Variants in RIMS2 observed in about 807,000 individuals in gnomAD.
RIMS2 encodes regulating synaptic membrane exocytosis protein 2.
A neutral mutation model predicts 174.4 loss-of-function variants in RIMS2; 59 were observed. That is an observed-to-expected ratio of 0.34 (90% confidence interval 0.27 to 0.42). The LOEUF (loss-of-function observed/expected upper bound fraction) is 0.42. Among genes scored for constraint, RIMS2 ranks in the 10% least tolerant of loss-of-function variants. RIMS2 has a pLI of 1.00. For synonymous variants in RIMS2, 606 were observed against 572.5 expected (o/e 1.06, Z -0.84); for missense variants, 1,620 against 1,666.3 (o/e 0.97, Z 0.48).
chr8:104,233,083 CG>C (rs1209364233), intron 19 of RIMS2, among the ~76,000 whole-genome samples: 6 of 151,894 alleles, frequency 4.0e-5, no homozygotes, highest in Non-Finnish European at 7.4e-5. Context: ...CAGACAAGAA[CG>C]GGGGGAAATC....
At chr8:103,554,249 A>G (rs1022836826) in intron 1 of RIMS2, among the ~76,000 whole-genome samples, 1 of 152,208 alleles carries the variant, frequency 6.6e-6, no homozygotes, top group Non-Finnish European at 1.5e-5. Context: ...CAGAGTAAAT[A>G]GACAACCTAC....
In RIMS2 at chr8:103,588,693, A is replaced by G. The variant is rs528898291; in HGVS notation, c.176+87631A>G. Among the ~76,000 whole-genome samples the G allele has an allele frequency of 1.2e-4, 19 of 152,064 alleles. No individual in the cohort carries two copies. In the South Asian group the frequency reaches 3.9e-3, roughly 31 times the overall value. ...CTCTTCAATAAATGGTGCTGGAAAA[A>G]CTGGATATCCATATGCAGAAGAATA... On this transcript the variant is annotated intron_variant, in intron 1 of 23. Coordinates refer to ENST00000504942, the Ensembl canonical transcript of RIMS2.
intron 14 of RIMS2, among the ~76,000 whole-genome samples, chr8:103,951,160 C>T (rs1444007683): frequency 2.6e-5 from 4 of 152,210 alleles, no homozygotes; most frequent in African/African-American, 4.8e-5. Flanking sequence ...CTTTCAATAA[C>T]ATTCCACGTT....
intron 19 of RIMS2, among the ~76,000 whole-genome samples, chr8:104,163,210 AT>A (rs1555292102): frequency 6.6e-6 from 1 of 152,176 alleles, no homozygotes; most frequent in Non-Finnish European, 1.5e-5. Flanking sequence ...AAGTGGACAA[AT>A]TCTTCTAATA....
At position 103,821,731 on chromosome 8, in the gene RIMS2, T is replaced by G. The variant is rs545330921; in HGVS notation, c.698+55194T>G. On this transcript the variant is annotated intron_variant, in intron 3 of 23. Coordinates refer to ENST00000504942, the Ensembl canonical transcript of RIMS2. ...TTCTTTTAAACAATATAAATGCCTA[T>G]GCATCCTGCATAGGTATTAACATTT... Among the ~76,000 whole-genome samples the G allele has an allele frequency of 2.0e-5, 3 of 151,802 alleles. No homozygotes were observed. In the South Asian group the frequency reaches 6.2e-4, roughly 31 times the overall value.
chr8:103,779,422 A>C (rs371440112), intron 3 of RIMS2, among the ~76,000 whole-genome samples: 136 of 152,120 alleles, frequency 8.9e-4, no homozygotes, highest in African/African-American at 3.1e-3. Context: ...TGATTTTTTT[A>C]TATGGTGAAA....
chr8:103,819,224 T>C, intron 3 of RIMS2: 1 of 1,242,786 alleles, frequency 8.0e-7, no homozygotes, highest in Non-Finnish European at 1.0e-6. Flanking sequence ...AGCTTCACAC[T>C]TCAGCTGGGA....
intron 3 of RIMS2, among the ~76,000 whole-genome samples, chr8:103,831,318 G>T (rs1310621367): frequency 1.3e-5 from 2 of 152,168 alleles, no homozygotes; most frequent in East Asian, 1.9e-4. Flanking sequence ...AAAGAGAAAA[G>T]GGGTGAGAAG....
chr8:103,877,504 G>C (rs1184077538), intron 3 of RIMS2, among the ~76,000 whole-genome samples: 2 of 151,752 alleles, frequency 1.3e-5, no homozygotes, highest in Non-Finnish European at 2.9e-5. Context: ...TGGATTGTCT[G>C]TTTACTCTGC....
At chr8:104,065,583 TAGAAA>T (rs533330782) in intron 19 of RIMS2, among the ~76,000 whole-genome samples, 143 of 152,176 alleles carry the variant, frequency 9.4e-4, no homozygotes, top group African/African-American at 3.4e-3. Context: ...TCTACAAATA[TAGAAA>T]AGGAACAGAA....
chr8:103,721,736 A>T (rs1342390739), intron 2 of RIMS2, among the ~76,000 whole-genome samples: 1 of 152,220 alleles, frequency 6.6e-6, no homozygotes, highest in Non-Finnish European at 1.5e-5. Context: ...CTGAAAATGA[A>T]ATCTATTTTC....
intron 1 of RIMS2, among the ~76,000 whole-genome samples, chr8:103,546,976 C>G (rs1845412764): frequency 7.0e-6 from 1 of 143,562 alleles, no homozygotes; most frequent in African/African-American, 2.6e-5. Flanking sequence ...CGGTGCCTCA[C>G]TGAGACATCC....
intron 2 of RIMS2, among the ~76,000 whole-genome samples, chr8:103,753,226 C>G (rs1457800121): frequency 6.6e-6 from 1 of 152,046 alleles, no homozygotes; most frequent in East Asian, 1.9e-4. Flanking sequence ...TGTTTATATG[C>G]TGGATTACAT....
intron 3 of RIMS2, among the ~76,000 whole-genome samples, chr8:103,827,687 T>C (rs1326335342): frequency 6.6e-6 from 1 of 151,960 alleles, no homozygotes; most frequent in Non-Finnish European, 1.5e-5. Context: ...ATACAAGAAT[T>C]AGCTGGGCGT....
chr8:104,117,227 G>A (rs1330418762), intron 19 of RIMS2, among the ~76,000 whole-genome samples: 1 of 151,958 alleles, frequency 6.6e-6, no homozygotes, highest in African/African-American at 2.4e-5. Context: ...TATATTAATA[G>A]TTTTAATTAC....
intron 19 of RIMS2, among the ~76,000 whole-genome samples, chr8:104,207,357 T>G (rs2137416982): frequency 6.6e-6 from 1 of 152,352 alleles, no homozygotes; most frequent in East Asian, 1.9e-4. Flanking sequence ...TCCAGTTTAA[T>G]ATATTCTTAA....
At chr8:104,162,948 A>T (rs569474127) in intron 19 of RIMS2, among the ~76,000 whole-genome samples, 13 of 152,172 alleles carry the variant, frequency 8.5e-5, no homozygotes, top group Non-Finnish European at 1.9e-4. Flanking sequence ...GCTGAATGCT[A>T]TTTACTCAAT....
intron 3 of RIMS2, among the ~76,000 whole-genome samples, chr8:103,817,617 CT>C (rs935563961): frequency 2.0e-5 from 3 of 152,014 alleles, no homozygotes; most frequent in African/African-American, 7.2e-5. Flanking sequence ...CCTGTCTCCA[CT>C]AAAAATACAA....
chr8:103,574,721 A>G (rs1339879929), intron 1 of RIMS2, among the ~76,000 whole-genome samples: 1 of 152,228 alleles, frequency 6.6e-6, no homozygotes, highest in African/African-American at 2.4e-5. Flanking sequence ...GAACTTTAGT[A>G]ATTGTAACTG....
Sources: allele counts gnomAD v4.1 joint callset (sites outside exome capture counted in the v4.1 genomes callset), GRCh38; gene constraint gnomAD v4.1.1; transcripts MANE v1.5; gene names NCBI Gene and HGNC (gene_info 2026-07-23, HGNC 2026-07-21).